Variants in ABCA5 observed in about 807,000 individuals in gnomAD.
ABCA5 encodes cholesterol transporter ABCA5.
A neutral mutation model predicts 206.0 loss-of-function variants in ABCA5; 163 were observed. The ratio of observed to expected loss-of-function variants is 0.79; its 90% CI spans 0.70 to 0.90. The LOEUF is 0.90. ABCA5 is among the 40% of genes least tolerant of loss of function. ABCA5 has a pLI of 0.00. For missense variants in ABCA5, 1,859 were observed against 1,912.9 expected (o/e 0.97, Z 0.53); for synonymous variants, 609 against 613.8 (o/e 0.99, Z 0.11).
rs1472414766 is a variant in ABCA5, at chr17:69,245,242, G to A, written c.*2295C>T. ...AAGTACACTCATCATGTTTTTTCTT[G>A]CCTTATTAGTCAGTAAACACTCACT... On this transcript the variant is annotated 3_prime_UTR_variant, in exon 39 of 39. Coordinates refer to ENST00000392676, the MANE Select transcript of ABCA5 (RefSeq NM_172232.4). 9 of 151,644 alleles carry A rather than the reference G, an allele frequency of 5.9e-5. No individual in the cohort carries two copies. 9.4% of individuals were successfully genotyped at this position (151,644 alleles called of 1,614,324 possible).
chr17:69,294,856 G>T, intron 10 of ABCA5, 143 bp from the exon 11 acceptor site: 1 of 533,728 alleles, frequency 1.9e-6, no homozygotes, highest in Non-Finnish European at 3.1e-6. Flanking sequence ...CTAAAACAAT[G>T]AACCAAATAA....
chr17:69,275,183 T>C (rs563908779), intron 19 of ABCA5, among the ~76,000 whole-genome samples: 29 of 152,232 alleles, frequency 1.9e-4, no homozygotes, highest in Non-Finnish European at 3.2e-4. Context: ...ATTTTAGATA[T>C]AGAGAAGCAA....
intron 7 of ABCA5, among the ~76,000 whole-genome samples, chr17:69,303,553 A>T (rs551803692): frequency 1.0e-4 from 15 of 150,144 alleles, no homozygotes; most frequent in Admixed American, 9.4e-4. Context: ...ATAATAAATC[A>T]ACAAAAATTT....
At position 69,271,293 on chromosome 17, in the gene ABCA5, G is replaced by A; in HGVS notation, c.2765-4C>T. Reference sequence around the variant, plus strand: ...ATAAGATCACTGATATCTGAGTCTGGTGTTAGAAAATAAGCAAATAATAAA... The same window carrying A: ...ATAAGATCACTGATATCTGAGTCTGATGTTAGAAAATAAGCAAATAATAAA... On this transcript the variant is annotated splice_polypyrimidine_tract_variant and splice_region_variant and intron_variant, in intron 20 of 38. Coordinates refer to ENST00000392676, the MANE Select transcript of ABCA5 (RefSeq NM_172232.4). The A allele has an allele frequency of 6.2e-7, 1 of 1,603,526 alleles. No individual in the cohort carries two copies. Among genetic ancestry groups the A allele is most frequent in the East Asian group, 2.2e-5 (1 of 44,658 alleles).
At position 69,277,836 on chromosome 17, in the gene ABCA5, C is replaced by A; in HGVS notation, c.2399G>T (p.Ser800Ile). The A allele has an allele frequency of 1.3e-6, 2 of 1,518,814 alleles. No individual in the cohort carries two copies. Among genetic ancestry groups the A allele is most frequent in the Non-Finnish European group, 1.8e-6 (2 of 1,136,158 alleles). 94.1% of individuals were successfully genotyped at this position (1,518,814 alleles called of 1,614,324 possible). A position where few individuals can be genotyped will look rare whatever the true frequency, so the allele number is the denominator to read the frequency against. The change falls in exon 19 of 39, where the codon AGT becomes ATT. Residue 800 changes from serine to isoleucine, a missense_variant. Ser to Ile is a moderately radical substitution (Grantham distance 142). Transcript: ENST00000392676. ...CTCCAGTGGCTGCTGAGTAAATACACTATAATCTATTTGCCAAAACAAAAC... is the reference window on the plus strand; with the variant it reads ...CTCCAGTGGCTGCTGAGTAAATACAATATAATCTATTTGCCAAAACAAAAC... Reference protein sequence around the residue: ...VEAEIDQADYSVFTQQPLEEE... With the variant: ...VEAEIDQADYIVFTQQPLEEE...
intron 1 of ABCA5, chr17:69,317,654 C>G (rs1206827621): frequency 1.3e-5 from 2 of 152,082 alleles, no homozygotes; most frequent in African/African-American, 4.8e-5. Context: ...ATAAATTTTA[C>G]CTTAATAAAT....
chr17:69,321,691 TA>T (rs1166534731), intron 1 of ABCA5, among the ~76,000 whole-genome samples: 2 of 152,094 alleles, frequency 1.3e-5, no homozygotes, highest in Non-Finnish European at 2.9e-5. Context: ...TGAAATACTT[TA>T]AAACACTCTT....
chr17:69,257,054 A>G (rs1474482784), intron 28 of ABCA5, among the ~76,000 whole-genome samples: 1 of 151,978 alleles, frequency 6.6e-6, no homozygotes, highest in South Asian at 2.1e-4. Flanking sequence ...CAGAAGACAT[A>G]ATGGAAAACA....
At chr17:69,260,247 C>T in intron 27 of ABCA5, 91 bp downstream of exon 27, 3 of 952,620 alleles carry the variant, frequency 3.1e-6, no homozygotes, top group Non-Finnish European at 4.6e-6. Flanking sequence ...CTTTTTCATG[C>T]AACAGGATAA....
intron 12 of ABCA5, among the ~76,000 whole-genome samples, 173 bp from the exon 13 acceptor site, chr17:69,290,210 T>C (rs1451199228): frequency 6.6e-6 from 1 of 152,180 alleles, no homozygotes; most frequent in Admixed American, 6.5e-5. Flanking sequence ...CATCCACTTA[T>C]ATTTCAATCT....
intron 24 of ABCA5, among the ~76,000 whole-genome samples, chr17:69,264,292 T>C (rs1385278518): frequency 2.0e-5 from 3 of 152,332 alleles, no homozygotes; most frequent in Non-Finnish European, 4.4e-5. Context: ...TTTAATTTTT[T>C]GTGGCTATTG....
intron 34 of ABCA5, among the ~76,000 whole-genome samples, chr17:69,253,338 C>T (rs573473199): frequency 3.3e-5 from 5 of 152,084 alleles, no homozygotes; most frequent in Non-Finnish European, 7.4e-5. Context: ...TTAATAATGA[C>T]TCATGCTTAT....
intron 28 of ABCA5, among the ~76,000 whole-genome samples, chr17:69,256,912 C>A (rs2144902862): frequency 6.6e-6 from 1 of 152,074 alleles, no homozygotes; most frequent in East Asian, 1.9e-4. Flanking sequence ...AAATTTACAA[C>A]CTGAGTATAA....
chr17:69,251,468 ATAAT>A (rs1237705848), intron 35 of ABCA5: 10 of 333,070 alleles, frequency 3.0e-5, no homozygotes, highest in Admixed American at 1.8e-4. Context: ...TTTGTGTTAC[ATAAT>A]TAATCCAATA....
At chr17:69,259,980 C>G (rs891485056) in intron 27 of ABCA5, among the ~76,000 whole-genome samples, 183 bp from the exon 28 acceptor site, 1 of 151,804 alleles carries the variant, frequency 6.6e-6, no homozygotes, top group Non-Finnish European at 1.5e-5. Flanking sequence ...TAATACAAAC[C>G]AAAGCAGAAT....
intron 19 of ABCA5, among the ~76,000 whole-genome samples, chr17:69,275,515 ATAAGT>A (rs1170277343): frequency 3.9e-5 from 6 of 152,328 alleles, no homozygotes; most frequent in South Asian, 2.1e-4. Flanking sequence ...AAGTTCCATA[ATAAGT>A]TAAGAAGTGA....
intron 7 of ABCA5, among the ~76,000 whole-genome samples, chr17:69,303,660 C>T (rs1356139000): frequency 7.5e-6 from 1 of 132,712 alleles, no homozygotes; most frequent in Admixed American, 8.1e-5. Context: ...TGCAGTGGCT[C>T]GCTCATGTAA....
chr17:69,293,180 C>T (rs149269710), intron 11 of ABCA5, among the ~76,000 whole-genome samples: 2,577 of 151,980 alleles, frequency 0.017, 74 homozygotes, highest in African/African-American at 0.058. Context: ...CACACACACA[C>T]ACAATGGAGC....
chr17:69,284,032 G>T lies in ABCA5; in HGVS notation c.2313C>A (p.Val771=). 1 of 1,604,050 alleles carries T rather than the reference G, an allele frequency of 6.2e-7. No homozygotes were observed. The highest frequency in any genetic ancestry group is 1.1e-5 in the South Asian group (1 of 88,904). Residue 771 remains valine, a synonymous_variant, in exon 18 of 39, where the codon GTC becomes GTA. Transcript: ENST00000392676. Reference sequence around the variant, plus strand: ...TCGTCATGGAAACACCATAAGAAATGACACCCAAATTTGAATGACTGTCTA... The same window carrying T: ...TCGTCATGGAAACACCATAAGAAATTACACCCAAATTTGAATGACTGTCTA... The part of the protein sequence containing the change: ...SALDSHSNLG[V]ISYGVSMTTL...
Sources: allele counts gnomAD v4.1 joint callset (sites outside exome capture counted in the v4.1 genomes callset), GRCh38; gene constraint gnomAD v4.1.1; transcripts MANE v1.5; gene names NCBI Gene and HGNC (gene_info 2026-07-23, HGNC 2026-07-21).